ZHX2: variants seen among roughly 807,000 people sequenced by gnomAD.
ZHX2 encodes zinc fingers and homeoboxes 2.
Under a neutral mutation model 21.9 loss-of-function variants are expected in ZHX2, and 6 were observed. The ratio of observed to expected loss-of-function variants is 0.27; its 90% confidence interval spans 0.15 to 0.54. The LOEUF is 0.54. ZHX2 is among the 20% of genes least tolerant of loss of function. The probability of loss-of-function intolerance (pLI) is 0.95; values close to 1 mark genes in which losing one functional copy is unlikely to be tolerated. For missense variants in ZHX2, 908 were observed against 1,090.7 expected (o/e 0.83, Z 2.36); for synonymous variants, 434 against 437.1 (o/e 0.99, Z 0.09).
rs910993666 is a variant in ZHX2 at position 122,973,714 on chromosome 8, A to G, written c.*477A>G. ...AAGGGGTGTTAGCATTAGTGCCATGATATCTACTGGATTTTAAGTAGGGAG... is the reference window on the plus strand; with the variant it reads ...AAGGGGTGTTAGCATTAGTGCCATGGTATCTACTGGATTTTAAGTAGGGAG... On this transcript the variant is annotated 3_prime_UTR_variant, in exon 4 of 4. Coordinates refer to ENST00000314393, the MANE Select transcript of ZHX2 (RefSeq NM_014943.5). 6.6e-6 allele frequency: 1 copy of G among 152,306 alleles called. No homozygotes were observed. The highest frequency in any genetic ancestry group is 6.6e-5 in the Admixed American group (1 of 15,250). The allele number at this position is 152,306 out of a possible 1,614,324, so 9.4% of individuals were successfully genotyped here.
At chr8:122,875,602 A>G (rs1586350883) in intron 2 of ZHX2, among the ~76,000 whole-genome samples, 1 of 87,596 alleles carries the variant, frequency 1.1e-5, no homozygotes, top group Non-Finnish European at 2.7e-5. Flanking sequence ...CAGGTGCGGT[A>G]GTAGTAGACG....
At chr8:122,903,613 G>A (rs1292364868) in intron 2 of ZHX2, among the ~76,000 whole-genome samples, 1 of 152,202 alleles carries the variant, frequency 6.6e-6, no homozygotes, top group Non-Finnish European at 1.5e-5. Context: ...ACAGAGGCTA[G>A]AACTCTGAAG....
intron 1 of ZHX2, among the ~76,000 whole-genome samples, chr8:122,862,603 C>T (rs1680971849): frequency 6.6e-6 from 1 of 152,134 alleles, no homozygotes; most frequent in Non-Finnish European, 1.5e-5. Flanking sequence ...GGGCCTGGCG[C>T]GTGGTAAGTA....
chr8:122,955,081 G>C (rs910674360), intron 3 of ZHX2, among the ~76,000 whole-genome samples: 1 of 140,628 alleles, frequency 7.1e-6, no homozygotes, highest in Non-Finnish European at 1.5e-5. Context: ...GGGGGGGGGG[G>C]GTGGCAGGGC....
chr8:122,840,624 C>A (rs1327289314), intron 1 of ZHX2, among the ~76,000 whole-genome samples: 1 of 152,222 alleles, frequency 6.6e-6, no homozygotes, highest in Non-Finnish European at 1.5e-5. Context: ...ATGCCTCATG[C>A]TCAGTGCATA....
At position 122,952,483 on chromosome 8, in the gene ZHX2, G is replaced by T. The variant is rs1813147307; in HGVS notation, c.973G>T (p.Glu325Ter). Residue 325 changes from glutamate (E) to a stop codon, truncating the protein, a stop_gained, in exon 3 of 4, where the codon GAG becomes TAG. Transcript: ENST00000314393. LOFTEE classifies it high-confidence loss of function. The surrounding 1 kb of genome is among the most constrained non-coding windows in gnomAD (Gnocchi z 6.9). ...LKHGISWSPE[E>*]VEEARKKMFN... is the part of the protein sequence containing the mutation. ...GCATGGCATCAGCTGGTCCCCAGAAGAGGTGGAGGAGGCCCGGAAGAAGAT... is the reference window on the plus strand; with the variant it reads ...GCATGGCATCAGCTGGTCCCCAGAATAGGTGGAGGAGGCCCGGAAGAAGAT... The T allele has an allele frequency of 6.2e-7, 1 of 1,614,236 alleles. No homozygotes were observed. Among genetic ancestry groups the T allele is most frequent in the South Asian group, 1.1e-5 (1 of 91,080 alleles).
chr8:122,795,743 G>T (rs982289303), intron 1 of ZHX2, among the ~76,000 whole-genome samples: 2 of 152,098 alleles, frequency 1.3e-5, no homozygotes, highest in African/African-American at 2.4e-5. Flanking sequence ...AGGAAATTAA[G>T]GCTTCAAAGA....
At chr8:122,788,411 TA>T (rs937220430) in intron 1 of ZHX2, among the ~76,000 whole-genome samples, 5 of 151,582 alleles carry the variant, frequency 3.3e-5, no homozygotes, top group African/African-American at 1.2e-4. Flanking sequence ...TTTAAAAAAC[TA>T]AAAAATGAAC....
At chr8:122,932,182 A>T (rs1821011038) in intron 2 of ZHX2, among the ~76,000 whole-genome samples, 2 of 152,198 alleles carry the variant, frequency 1.3e-5, no homozygotes, top group South Asian at 2.1e-4. Flanking sequence ...GGAGCTTCCT[A>T]AGAGGTGGAG....
intron 2 of ZHX2, among the ~76,000 whole-genome samples, chr8:122,878,097 A>G (rs1819613640): frequency 6.6e-6 from 1 of 151,926 alleles, no homozygotes; most frequent in Admixed American, 6.6e-5. Flanking sequence ...TGTGTGTATA[A>G]AATAAAAACA....
intron 1 of ZHX2, chr8:122,809,194 A>C (rs1817878933): frequency 6.6e-6 from 1 of 152,588 alleles, no homozygotes; most frequent in South Asian, 2.1e-4. Context: ...ACAAACCTGA[A>C]GACACTAGAA....
chr8:122,927,843 T>G (rs2130122399), intron 2 of ZHX2, among the ~76,000 whole-genome samples: 1 of 152,258 alleles, frequency 6.6e-6, no homozygotes, highest in East Asian at 1.9e-4. Context: ...AAGATCCCAT[T>G]GCGTTAGAAA....
At chr8:122,838,855 G>A (rs945012611) in intron 1 of ZHX2, among the ~76,000 whole-genome samples, 2 of 152,054 alleles carry the variant, frequency 1.3e-5, no homozygotes, top group African/African-American at 2.4e-5. Context: ...AATTACAAGC[G>A]TGAGCCACCA....
At chr8:122,887,521 A>G (rs1819873725) in intron 2 of ZHX2, among the ~76,000 whole-genome samples, 1 of 152,182 alleles carries the variant, frequency 6.6e-6, no homozygotes, top group African/African-American at 2.4e-5. Context: ...CCATTTCAAA[A>G]AAAGAAACAT....
intron 2 of ZHX2, among the ~76,000 whole-genome samples, chr8:122,930,646 T>TTG (rs1375119084): frequency 6.7e-6 from 1 of 150,030 alleles, no homozygotes; most frequent in Non-Finnish European, 1.5e-5. Flanking sequence ...TAATTTTTGT[T>TTG]TTTTTTTTTT....
intron 1 of ZHX2, among the ~76,000 whole-genome samples, chr8:122,820,768 C>A (rs775036968): frequency 4.6e-5 from 7 of 152,090 alleles, no homozygotes; most frequent in African/African-American, 7.2e-5. Flanking sequence ...TGCTTTAGAG[C>A]CTTTAAAAAT....
chr8:122,826,284 A>C (rs1238008868), intron 1 of ZHX2, among the ~76,000 whole-genome samples: 2 of 152,200 alleles, frequency 1.3e-5, no homozygotes. Context: ...TTCCCAAACT[A>C]CTAGTAATTG....
At chr8:122,934,243 A>G (rs1812618519) in intron 2 of ZHX2, among the ~76,000 whole-genome samples, 1 of 152,204 alleles carries the variant, frequency 6.6e-6, no homozygotes, top group African/African-American at 2.4e-5. Flanking sequence ...TGTCGGATAC[A>G]GCTGCAATTC....
chr8:122,936,855 G>T (rs1352844908), intron 2 of ZHX2, among the ~76,000 whole-genome samples: 1 of 148,486 alleles, frequency 6.7e-6, no homozygotes, highest in Non-Finnish European at 1.5e-5. Flanking sequence ...CCAGAAAGGA[G>T]CACATTCGTT....
Sources: allele counts gnomAD v4.1 joint callset (sites outside exome capture counted in the v4.1 genomes callset), GRCh38; gene constraint gnomAD v4.1.1; non-coding constraint Gnocchi (gnomAD v3.1); transcripts MANE v1.5; gene names NCBI Gene and HGNC (gene_info 2026-07-23, HGNC 2026-07-21).